The following RBFOX3 variants were observed in gnomAD, a reference collection of about 807,000 sequenced individuals.
RBFOX3 encodes RNA binding fox-1 homolog 3.
A neutral mutation model predicts 48.7 loss-of-function variants in RBFOX3; 17 were observed. That is an observed-to-expected ratio of 0.35 (90% confidence interval 0.24 to 0.52). The LOEUF (loss-of-function observed/expected upper bound fraction) is 0.52, where lower values mean the gene tolerates loss of function less well. Ranked by LOEUF, RBFOX3 falls within the 20% of genes least tolerant of loss-of-function variation. RBFOX3 has a pLI of 0.94. For missense variants in RBFOX3, 382 were observed against 497.5 expected (o/e 0.77, Z 2.21); for synonymous variants, 212 against 209.5 (o/e 1.01, Z -0.10).
chr17:79,594,033 CA>C (rs1162359855), intron 1 of RBFOX3, among the ~76,000 whole-genome samples: 1 of 152,106 alleles, frequency 6.6e-6, no homozygotes, highest in Non-Finnish European at 1.5e-5. Context: ...AGGAAGCACG[CA>C]ATTGAGGAAA....
chr17:79,388,421 G>A (rs967372146), intron 2 of RBFOX3, among the ~76,000 whole-genome samples: 12 of 152,204 alleles, frequency 7.9e-5, no homozygotes, highest in African/African-American at 2.9e-4. Flanking sequence ...CACGCATGGA[G>A]CCTGTTCCCT....
chr17:79,190,024 G>A lies in RBFOX3; in HGVS notation c.-34+45742C>T, dbSNP rs577098246. Among the ~76,000 whole-genome samples the A allele has an allele frequency of 5.9e-5, 9 of 152,342 alleles. No individual in the cohort carries two copies. The East Asian group carries it at 9.7e-4, about 16-fold the overall frequency. On this transcript the variant is annotated intron_variant, in intron 4 of 14. Transcript: ENST00000693108. ...GCAGCCCACCCAGGAGGCATGCACC[G>A]CTAACATCACTCTTGGTACCCCCAC...
chr17:79,347,953 G>C (rs1044086636), intron 2 of RBFOX3, among the ~76,000 whole-genome samples: 1 of 152,190 alleles, frequency 6.6e-6, no homozygotes, highest in Non-Finnish European at 1.5e-5. Flanking sequence ...TGTCTGAGAG[G>C]TGGGTAGCCC....
chr17:79,367,921 C>T (rs565697563), intron 2 of RBFOX3, among the ~76,000 whole-genome samples: 1 of 152,300 alleles, frequency 6.6e-6, no homozygotes, highest in South Asian at 2.1e-4. Flanking sequence ...TCTGGGACAT[C>T]CCGGCATGAC....
rs1173820899 is a variant in RBFOX3, at chr17:79,412,940, T to G, written c.-175+69514A>C. The stretch of plus-strand genomic sequence containing the variant: ...CAGTAAAGGGGTGACTACCACTCTC[T>G]GACCCTGAGCCCCTCTCTGTTCAAC... On this transcript the variant is annotated intron_variant, in intron 2 of 14. Coordinates refer to ENST00000693108, the MANE Select transcript of RBFOX3 (RefSeq NM_001350451.2). Among the ~76,000 whole-genome samples the G allele has an allele frequency of 2.6e-5, 4 of 152,212 alleles. No individual in the cohort carries two copies. The East Asian group carries it at 7.7e-4, about 29-fold the overall frequency.
intron 2 of RBFOX3, among the ~76,000 whole-genome samples, chr17:79,437,555 CA>C (rs2069795179): frequency 6.6e-6 from 1 of 152,202 alleles, no homozygotes; most frequent in African/African-American, 2.4e-5. Flanking sequence ...GCTGGGCCCC[CA>C]GGCCACCAGG....
the RBFOX3 span, among the ~76,000 whole-genome samples, chr17:79,648,976 G>A: frequency 1.8e-5 from 2 of 109,194 alleles, no homozygotes; most frequent in South Asian, 3.5e-4. Context: ...AGTGAAAAAT[G>A]TCTTTTTTTT....
chr17:79,244,315 A>G (rs1289236420), intron 3 of RBFOX3, among the ~76,000 whole-genome samples: 1 of 152,158 alleles, frequency 6.6e-6, no homozygotes, highest in East Asian at 1.9e-4. Context: ...GAGACTTGAA[A>G]GGACAAGGAA....
chr17:79,169,250 G>A (rs2048645528), intron 4 of RBFOX3, among the ~76,000 whole-genome samples: 1 of 152,174 alleles, frequency 6.6e-6, no homozygotes, highest in Non-Finnish European at 1.5e-5. Flanking sequence ...AGCAACCCGG[G>A]TTTCACTGGA....
rs2147357642 is a variant in RBFOX3, at chr17:79,363,863, G to T, written c.-174-56039C>A. Among the ~76,000 whole-genome samples, 1 of 152,216 alleles carries T rather than the reference G, an allele frequency of 6.6e-6. No individual in the cohort carries two copies. Among genetic ancestry groups the T allele is most frequent in the African/African-American group, 2.4e-5 (1 of 41,522 alleles). ...CTGTCCACTGCACTGGGATAAAGCA[G>T]ACGACGGGCTCCTGCAGCCCCTAAC... is the stretch of plus-strand genomic sequence containing the variant. On this transcript the variant is annotated intron_variant, in intron 2 of 14. Coordinates refer to ENST00000693108, the MANE Select transcript of RBFOX3 (RefSeq NM_001350451.2). The surrounding 1 kb of genome is among the most constrained non-coding windows in gnomAD (Gnocchi z 4.7).
intron 2 of RBFOX3, among the ~76,000 whole-genome samples, chr17:79,413,160 C>T (rs970909406): frequency 2.6e-5 from 4 of 152,146 alleles, no homozygotes; most frequent in South Asian, 2.1e-4. Context: ...CAAGAGAGAC[C>T]AAAACAGAAA....
chr17:79,606,204 C>A (rs970073098), intron 1 of RBFOX3, among the ~76,000 whole-genome samples: 5 of 152,184 alleles, frequency 3.3e-5, no homozygotes, highest in African/African-American at 9.7e-5. Context: ...AAGGCCCCCA[C>A]GTGTCTTACA....
intron 1 of RBFOX3, among the ~76,000 whole-genome samples, chr17:79,543,669 C>T (rs1214316187): frequency 3.3e-5 from 5 of 152,148 alleles, no homozygotes; most frequent in African/African-American, 7.2e-5. Flanking sequence ...ATGAAACACG[C>T]GGCGAAGATG....
intron 4 of RBFOX3, among the ~76,000 whole-genome samples, chr17:79,130,899 A>G (rs1599576507): frequency 6.6e-6 from 1 of 152,242 alleles, no homozygotes; most frequent in East Asian, 1.9e-4. Flanking sequence ...GTGAAGATCC[A>G]GAGCCGCCGT....
chr17:79,436,749 T>A (rs1436917313), intron 2 of RBFOX3, among the ~76,000 whole-genome samples: 1 of 152,094 alleles, frequency 6.6e-6, no homozygotes, highest in East Asian at 1.9e-4. Context: ...CAGGTGGCTA[T>A]CCACAGGCTG....
chr17:79,126,117 C>T (rs943453846), intron 4 of RBFOX3, among the ~76,000 whole-genome samples: 1 of 152,256 alleles, frequency 6.6e-6, no homozygotes, highest in Non-Finnish European at 1.5e-5. Flanking sequence ...CCCTCACCCC[C>T]TCCCCACGAT....
At chr17:79,261,573 A>G (rs1030906737) in intron 3 of RBFOX3, among the ~76,000 whole-genome samples, 1 of 152,192 alleles carries the variant, frequency 6.6e-6, no homozygotes, top group Non-Finnish European at 1.5e-5. Context: ...GGCTCTCCAC[A>G]GTGCAGAGTC....
intron 1 of RBFOX3, among the ~76,000 whole-genome samples, chr17:79,505,562 CG>C (rs1373119977): frequency 6.6e-6 from 1 of 152,156 alleles, no homozygotes; most frequent in African/African-American, 2.4e-5. Flanking sequence ...ATACTGATGG[CG>C]GAGTCTGCTT....
intron 1 of RBFOX3, among the ~76,000 whole-genome samples, chr17:79,543,911 T>C (rs1377070107): frequency 3.3e-5 from 5 of 152,050 alleles, no homozygotes; most frequent in Non-Finnish European, 7.4e-5. Flanking sequence ...GTGAGCCCCC[T>C]ACCCCCCAGA....
Sources: gnomAD v4.1 joint callset for allele counts (sites outside exome capture counted in the v4.1 genomes callset) on GRCh38, gnomAD v4.1.1 for gene constraint, Gnocchi (gnomAD v3.1) non-coding constraint, MANE v1.5 for transcripts, NCBI Gene and HGNC (gene_info 2026-07-23, HGNC 2026-07-21) for gene names.